The following LPAR1 variants were observed in gnomAD, a reference collection of about 807,000 sequenced individuals.
The protein encoded by LPAR1 is LPA receptor 1.
A neutral mutation model predicts 23.8 loss-of-function variants in LPAR1; 5 were observed. That is an observed-to-expected ratio of 0.21 (90% CI 0.11 to 0.44). The LOEUF is 0.44. LPAR1 is among the 20% of genes least tolerant of loss of function. The pLI is 0.99. For missense variants in LPAR1, 311 were observed against 482.8 expected (o/e 0.64, Z 3.33); for synonymous variants, 160 against 164.7 (o/e 0.97, Z 0.22).
chr9:110,893,380 G>A (rs1588169366), intron 5 of LPAR1, among the ~76,000 whole-genome samples: 1 of 152,172 alleles, frequency 6.6e-6, no homozygotes, highest in Non-Finnish European at 1.5e-5. Context: ...GGAGTAGTAA[G>A]CAGCCATTAA....
intron 2 of LPAR1, among the ~76,000 whole-genome samples, chr9:111,009,996 AAAATATATAT>A (rs2097297576): frequency 9.2e-6 from 1 of 108,960 alleles, no homozygotes; most frequent in Non-Finnish European, 1.7e-5. Flanking sequence ...CATAATTAGG[AAAATATATAT>A]ATATATATAT....
chr9:110,946,763 A>G (rs909762260), intron 4 of LPAR1, among the ~76,000 whole-genome samples: 5 of 152,166 alleles, frequency 3.3e-5, no homozygotes, highest in Admixed American at 1.3e-4. Flanking sequence ...ATTGTTCTTC[A>G]TAGGGTTATA....
chr9:110,942,756 T>C (rs1215640709), intron 4 of LPAR1, among the ~76,000 whole-genome samples: 1 of 152,194 alleles, frequency 6.6e-6, no homozygotes, highest in African/African-American at 2.4e-5. Flanking sequence ...ATTCCTGTGG[T>C]CAGCACTGCC....
chr9:110,924,048 C>T (rs1381049573), intron 5 of LPAR1, among the ~76,000 whole-genome samples: 3 of 151,782 alleles, frequency 2.0e-5, no homozygotes, highest in Non-Finnish European at 4.4e-5. Context: ...ATAAAGATAA[C>T]ACAAATGGTT....
chr9:111,009,949 A>C (rs2097295643), intron 2 of LPAR1, among the ~76,000 whole-genome samples: 1 of 142,130 alleles, frequency 7.0e-6, no homozygotes, highest in Non-Finnish European at 1.6e-5. Flanking sequence ...TTTGTTGTTT[A>C]TATAGTTTAC....
chr9:110,916,590 C>T (rs536869553), intron 5 of LPAR1, among the ~76,000 whole-genome samples: 1 of 38,682 alleles, frequency 2.6e-5, no homozygotes, highest in Non-Finnish European at 4.8e-5. Context: ...TCAGACCCTC[C>T]GTAGGAAGAC....
At chr9:110,950,688 G>A (rs1190582679) in intron 4 of LPAR1, among the ~76,000 whole-genome samples, 1 of 151,976 alleles carries the variant, frequency 6.6e-6, no homozygotes, top group Non-Finnish European at 1.5e-5. Flanking sequence ...CACATTTACA[G>A]TAACAAGAGC....
At chr9:110,955,633 G>T (rs1485362564) in intron 4 of LPAR1, among the ~76,000 whole-genome samples, 1 of 150,888 alleles carries the variant, frequency 6.6e-6, no homozygotes, top group Non-Finnish European at 1.5e-5. Flanking sequence ...TCAGCACATG[G>T]AACAGTTCCC....
At chr9:110,887,730 A>G (rs1227297822) in intron 5 of LPAR1, among the ~76,000 whole-genome samples, 2 of 152,214 alleles carry the variant, frequency 1.3e-5, no homozygotes, top group Non-Finnish European at 2.9e-5. Flanking sequence ...AGAGTAAAAA[A>G]GCTAGCTGAT....
intron 3 of LPAR1, among the ~76,000 whole-genome samples, 153 bp from the exon 4 acceptor site, chr9:110,972,373 T>A (rs939667146): frequency 6.6e-6 from 1 of 152,152 alleles, no homozygotes; most frequent in Non-Finnish European, 1.5e-5. Context: ...AGCTAAGGTC[T>A]AAAAGCCACG....
intron 5 of LPAR1, among the ~76,000 whole-genome samples, chr9:110,925,758 T>G (rs2093975540): frequency 6.6e-6 from 1 of 152,214 alleles, no homozygotes; most frequent in Non-Finnish European, 1.5e-5. Flanking sequence ...CCGCAGCATG[T>G]GCCAGGCAGC....
At position 111,008,092 on chromosome 9, in the gene LPAR1, T is replaced by C. The variant is rs1017791223; in HGVS notation, c.-182+28030A>G. Among the ~76,000 whole-genome samples the C allele has an allele frequency of 1.6e-4, 25 of 151,948 alleles. 1 individual carries two copies. The highest frequency in any genetic ancestry group is 3.3e-4 in the Admixed American group (5 of 15,274). The stretch of plus-strand genomic sequence containing the variant: ...GGTAGGCTAAGACAGGAGAATCACT[T>C]GAACCTGGGAGGTGGAGGTTGCAGT... On this transcript the variant is annotated intron_variant, in intron 2 of 5. Transcript: ENST00000683809.
At chr9:110,929,087 C>G (rs2094228000) in intron 5 of LPAR1, among the ~76,000 whole-genome samples, 1 of 152,228 alleles carries the variant, frequency 6.6e-6, no homozygotes, top group African/African-American at 2.4e-5. Flanking sequence ...AATTTCCAGT[C>G]TCCCAATGCC....
chr9:110,930,931 G>A (rs986094004), intron 5 of LPAR1, among the ~76,000 whole-genome samples: 1 of 151,972 alleles, frequency 6.6e-6, no homozygotes, highest in African/African-American at 2.4e-5. Flanking sequence ...CAAAAAAAAA[G>A]GTGAATATTA....
chr9:110,945,489 A>G (rs2095339626), intron 4 of LPAR1: 1 of 152,222 alleles, frequency 6.6e-6, no homozygotes, highest in Non-Finnish European at 1.5e-5. Context: ...TGTGTCCTCA[A>G]TGTGTTTTGT....
At chr9:111,018,590 G>A (rs1400865655) in intron 2 of LPAR1, among the ~76,000 whole-genome samples, 1 of 152,146 alleles carries the variant, frequency 6.6e-6, no homozygotes, top group African/African-American at 2.4e-5. Context: ...AATATTAAAA[G>A]GGAATATCCC....
At chr9:110,896,315 C>T (rs1379737583) in intron 5 of LPAR1, among the ~76,000 whole-genome samples, 1 of 152,048 alleles carries the variant, frequency 6.6e-6, no homozygotes, top group African/African-American at 2.4e-5. Context: ...TCATTTGTGG[C>T]CTTTTGATTT....
intron 5 of LPAR1, among the ~76,000 whole-genome samples, chr9:110,924,775 A>T (rs571514504): frequency 6.6e-6 from 1 of 152,252 alleles, no homozygotes; most frequent in Non-Finnish European, 1.5e-5. Context: ...GTATGTCAAC[A>T]GCCAAGTCAT....
intron 2 of LPAR1, among the ~76,000 whole-genome samples, chr9:110,990,416 A>AAT (rs1349147987): frequency 1.3e-5 from 2 of 152,164 alleles, no homozygotes; most frequent in African/African-American, 4.8e-5. Context: ...CCACACTTAA[A>AAT]TTATCAATAA....
Sources: gnomAD v4.1 joint callset for allele counts (sites outside exome capture counted in the v4.1 genomes callset) on GRCh38, gnomAD v4.1.1 for gene constraint, MANE v1.5 for transcripts, NCBI Gene and HGNC (gene_info 2026-07-23, HGNC 2026-07-21) for gene names.